Variants in LRP1B observed in about 807,000 individuals in gnomAD.
The protein encoded by LRP1B is LDL receptor related protein 1B.
LRP1B carries 217 observed loss-of-function variants against 556.6 expected under a neutral mutation model. The ratio of observed to expected loss-of-function variants is 0.39; its 90% CI spans 0.35 to 0.44. LRP1B has a LOEUF of 0.44. Ranked by LOEUF, LRP1B falls within the 20% of genes least tolerant of loss-of-function variation. LRP1B has a pLI of 1.00. For missense variants in LRP1B, 5,053 were observed against 5,620.8 expected, an observed-to-expected ratio of 0.90 and a Z score of 3.23; for synonymous variants, 2,047 against 1,865.8, an observed-to-expected ratio of 1.10 and a Z score of -2.50.
intron 86 of LRP1B, among the ~76,000 whole-genome samples, chr2:140,253,765 A>T (rs2104912091): frequency 6.6e-6 from 1 of 152,268 alleles, no homozygotes; most frequent in Middle Eastern, 3.4e-3. Context: ...ATCAACTGAA[A>T]AGGAAAACGA....
chr2:141,706,460 T>G (rs1277648813), intron 2 of LRP1B, among the ~76,000 whole-genome samples: 1 of 152,116 alleles, frequency 6.6e-6, no homozygotes, highest in East Asian at 1.9e-4. Flanking sequence ...CTGTAGTTAC[T>G]AAGCAGTGAC....
intron 2 of LRP1B, among the ~76,000 whole-genome samples, chr2:141,727,935 TTTG>T (rs1427911712): frequency 1.3e-5 from 2 of 152,112 alleles, no homozygotes; most frequent in Non-Finnish European, 2.9e-5. Flanking sequence ...GTGTTTTGTT[TTTG>T]TTGTTCTTTT....
intron 43 of LRP1B, among the ~76,000 whole-genome samples, chr2:140,576,774 C>T (rs1018910997): frequency 2.0e-4 from 30 of 152,074 alleles, no homozygotes; most frequent in Admixed American, 1.6e-3. Flanking sequence ...TTATCCCAGT[C>T]GACTTTTGGC....
At chr2:140,289,631 T>TAAAAAA (rs1683295454) in intron 84 of LRP1B, among the ~76,000 whole-genome samples, 1 of 151,768 alleles carries the variant, frequency 6.6e-6, no homozygotes, top group Non-Finnish European at 1.5e-5. Context: ...GGCATAACAT[T>TAAAAAA]AAAACAAAAA....
chr2:142,061,563 A>G (rs1704914985), intron 1 of LRP1B, among the ~76,000 whole-genome samples: 1 of 152,030 alleles, frequency 6.6e-6, no homozygotes, highest in South Asian at 2.1e-4. Flanking sequence ...ACATCTATGA[A>G]ATATTAAACT....
intron 3 of LRP1B, among the ~76,000 whole-genome samples, chr2:141,456,525 C>A (rs1681634821): frequency 6.6e-6 from 1 of 152,118 alleles, no homozygotes; most frequent in African/African-American, 2.4e-5. Flanking sequence ...ATTTTCATTT[C>A]TGAATTCCTC....
intron 2 of LRP1B, among the ~76,000 whole-genome samples, chr2:141,652,125 T>C (rs907727876): frequency 6.6e-6 from 1 of 152,214 alleles, no homozygotes. Flanking sequence ...TCTCTCCTCC[T>C]ATTCAATTTA....
At chr2:141,164,358 C>T (rs1680162780) in intron 7 of LRP1B, among the ~76,000 whole-genome samples, 1 of 151,834 alleles carries the variant, frequency 6.6e-6, no homozygotes, top group Non-Finnish European at 1.5e-5. Flanking sequence ...TCATCAATGT[C>T]CATCAATGGT....
chr2:140,490,365 T>C (rs1688648415), intron 57 of LRP1B, among the ~76,000 whole-genome samples: 1 of 152,210 alleles, frequency 6.6e-6, no homozygotes, highest in African/African-American at 2.4e-5. Context: ...TTACTACAGT[T>C]ATGTTGTAGA....
intron 1 of LRP1B, among the ~76,000 whole-genome samples, chr2:142,076,389 T>C (rs1705502620): frequency 6.6e-6 from 1 of 152,262 alleles, no homozygotes; most frequent in Admixed American, 6.5e-5. Context: ...TCTGTATGCC[T>C]GTAGAAACAT....
intron 2 of LRP1B, among the ~76,000 whole-genome samples, chr2:141,781,283 A>C (rs895405966): frequency 6.6e-6 from 1 of 152,218 alleles, no homozygotes; most frequent in African/African-American, 2.4e-5. Flanking sequence ...AAAATAGGCC[A>C]ATTAGGCATG....
intron 2 of LRP1B, among the ~76,000 whole-genome samples, chr2:141,630,577 T>C (rs1462992967): frequency 2.6e-5 from 4 of 152,214 alleles, no homozygotes; most frequent in Non-Finnish European, 5.9e-5. Context: ...AAAGCTATAG[T>C]GAGTCATGCT....
chr2:140,639,572 C>A (rs1370303947), intron 41 of LRP1B, among the ~76,000 whole-genome samples: 1 of 152,182 alleles, frequency 6.6e-6, no homozygotes, highest in Non-Finnish European at 1.5e-5. Flanking sequence ...GTACTTGCTG[C>A]ATTTTTAAAT....
chr2:140,252,794 A>G (rs893976663), intron 86 of LRP1B, among the ~76,000 whole-genome samples: 1 of 152,098 alleles, frequency 6.6e-6, no homozygotes, highest in African/African-American at 2.4e-5. Context: ...TCTTCTTGAA[A>G]TCAACATCAC....
At chr2:141,899,347 G>C (rs1415231387) in intron 1 of LRP1B, among the ~76,000 whole-genome samples, 1 of 152,108 alleles carries the variant, frequency 6.6e-6, no homozygotes, top group Non-Finnish European at 1.5e-5. Context: ...GGCATATGCT[G>C]TGGTAAATAC....
At chr2:140,969,932 C>T (rs556707643) in intron 18 of LRP1B, among the ~76,000 whole-genome samples, 1 of 152,262 alleles carries the variant, frequency 6.6e-6, no homozygotes, top group South Asian at 2.1e-4. Flanking sequence ...AAAACCCGAC[C>T]TTTCTCTCTG....
At chr2:140,692,918 G>A (rs568391430) in intron 41 of LRP1B, among the ~76,000 whole-genome samples, 1 of 152,032 alleles carries the variant, frequency 6.6e-6, no homozygotes, top group East Asian at 1.9e-4. Flanking sequence ...CATCATATTT[G>A]CACCATTAAA....
intron 67 of LRP1B, among the ~76,000 whole-genome samples, chr2:140,381,899 A>G (rs1683520155): frequency 1.3e-5 from 2 of 151,574 alleles, no homozygotes; most frequent in South Asian, 4.1e-4. Context: ...GGAGAAAAGA[A>G]CAAAATACAG....
In LRP1B at chr2:140,982,365, CATAAG is replaced by C. The variant is rs1252995944; in HGVS notation, c.2771-94_2771-90del. On this transcript the variant is annotated intron_variant, in intron 17 of 90. Transcript: ENST00000389484. Reference sequence around the variant, plus strand: ...TTAAGCATGCAATATTCCTTTCATACATAAGATAGTATGTTTCTCTATTAAAATAA... The same window carrying C: ...TTAAGCATGCAATATTCCTTTCATACATAGTATGTTTCTCTATTAAAATAA... 5.2e-6 allele frequency: 4 copies of C among 775,614 alleles called. No individual in the cohort carries two copies. The African/African-American group carries it at 7.0e-5, about 13-fold the overall frequency. The allele number at this position is 775,614 out of a possible 1,614,324, so 48.0% of individuals were successfully genotyped here. A position where few individuals can be genotyped will look rare whatever the true frequency, so the allele number is the denominator to read the frequency against.
Sources: gnomAD v4.1 joint callset for allele counts (sites outside exome capture counted in the v4.1 genomes callset) on GRCh38, gnomAD v4.1.1 for gene constraint, MANE v1.5 for transcripts, NCBI Gene and HGNC (gene_info 2026-07-23, HGNC 2026-07-21) for gene names.